FBXO16: variants seen among roughly 807,000 people sequenced by gnomAD.
FBXO16 encodes F-box protein 16, also known as F-box only protein 16.
FBXO16 carries 31 observed loss-of-function variants against 41.0 expected under a neutral mutation model. That is an observed-to-expected ratio of 0.76 (90% CI 0.57 to 1.02). The LOEUF is 1.02. Ranked by LOEUF, FBXO16 falls within the 50% of genes least tolerant of loss-of-function variation. The pLI is 0.00. For synonymous variants in FBXO16, 133 were observed against 117.8 expected (o/e 1.13, Z -0.84); for missense variants, 361 against 346.2 (o/e 1.04, Z -0.34).
At position 28,452,439 on chromosome 8, in the gene FBXO16, T is replaced by C; in HGVS notation, c.545A>G (p.Gln182Arg). Residue 182 changes from glutamine to arginine, a missense_variant, in exon 6 of 9, where the codon CAA becomes CGA. Coordinates refer to ENST00000380254, the MANE Select transcript of FBXO16 (RefSeq NM_172366.4). ...CTCTGGAGAATTGCTTGTAACTAGT[T>C]GAACGTCAGCGATTACAAATCCATC... is the stretch of plus-strand genomic sequence containing the variant. ...PKDGFVIADV[Q>R]LVTSNSPEEK... The C allele has an allele frequency of 6.2e-7, 1 of 1,614,134 alleles. No homozygotes were observed. The highest frequency in any genetic ancestry group is 8.5e-7 in the Non-Finnish European group (1 of 1,180,046).
At chr8:28,476,363 G>A (rs1803423012) in intron 2 of FBXO16, among the ~76,000 whole-genome samples, 1 of 152,164 alleles carries the variant, frequency 6.6e-6, no homozygotes, top group Admixed American at 6.5e-5. Flanking sequence ...TAGACTGAAA[G>A]TCAGGAGACC....
chr8:28,459,391 G>C (rs952911551), intron 4 of FBXO16, among the ~76,000 whole-genome samples: 2 of 152,084 alleles, frequency 1.3e-5, no homozygotes, highest in African/African-American at 4.8e-5. Flanking sequence ...GCCAAGGCGA[G>C]TGGATCACCC....
Position 28,463,799 on chromosome 8 carries a change from G to C in FBXO16, c.155C>G (p.Ser52Cys), listed in dbSNP as rs1304606766. Residue 52 changes from serine to cysteine, a missense_variant, in exon 4 of 9, where the codon TCT becomes TGT. Physicochemically the swap from Ser to Cys is moderately radical, Grantham distance 112 (BLOSUM62 -1). Coordinates refer to ENST00000380254, the MANE Select transcript of FBXO16 (RefSeq NM_172366.4). ...GCCTGTGAGGATTCTTCTTCTTTGA[G>C]AGTCTGTCCATTTGTCAAACTGGAA... ...LGKWFDKWTDSQRRRILTGLL... is the reference protein window; with the variant it reads ...LGKWFDKWTDCQRRRILTGLL... 6.2e-7 allele frequency: 1 copy of C among 1,613,794 alleles called. No individual in the cohort carries two copies. The highest frequency in any genetic ancestry group is 8.5e-7 in the Non-Finnish European group (1 of 1,179,898).
intron 7 of FBXO16, among the ~76,000 whole-genome samples, chr8:28,439,824 C>G (rs1486996546): frequency 6.7e-6 from 1 of 150,126 alleles, no homozygotes; most frequent in Non-Finnish European, 1.5e-5. Flanking sequence ...AGAAGTATAT[C>G]AAAGATTGCC....
chr8:28,428,614 C>G lies in FBXO16; in HGVS notation c.*113G>C, dbSNP rs750816028. On this transcript the variant is annotated 3_prime_UTR_variant, in exon 9 of 9. Coordinates refer to ENST00000380254, the MANE Select transcript of FBXO16 (RefSeq NM_172366.4). ...TGAGTCATGCTTGGGGCCCAGGGTG[C>G]CTGTGAGGATGCTGCATGAGAATTT... is the stretch of plus-strand genomic sequence containing the variant. 1 of 1,551,750 alleles carries G rather than the reference C, an allele frequency of 6.4e-7. No homozygotes were observed.
At chr8:28,455,726 T>C (rs1048073777) in intron 5 of FBXO16, 6 of 152,244 alleles carry the variant, frequency 3.9e-5, no homozygotes, top group Non-Finnish European at 7.3e-5. Flanking sequence ...ACTTTAAAAA[T>C]TCTTCACTTA....
chr8:28,466,082 A>G (rs1803234215), intron 3 of FBXO16, among the ~76,000 whole-genome samples: 1 of 152,042 alleles, frequency 6.6e-6, no homozygotes, highest in African/African-American at 2.4e-5. Context: ...TCTACTGAAA[A>G]CACAAAATTA....
chr8:28,474,701 C>T (rs534180157), intron 2 of FBXO16, among the ~76,000 whole-genome samples: 11 of 152,150 alleles, frequency 7.2e-5, no homozygotes, highest in Non-Finnish European at 1.6e-4. Context: ...CACTTGAATA[C>T]TTGTTGGTAT....
intron 1 of FBXO16, among the ~76,000 whole-genome samples, chr8:28,487,133 C>T (rs1185425841): frequency 1.3e-5 from 2 of 152,068 alleles, no homozygotes; most frequent in African/African-American, 4.8e-5. Flanking sequence ...TTCCTCAGAA[C>T]TACATGTCAC....
intron 7 of FBXO16, 89 bp from the exon 8 acceptor site, chr8:28,429,492 C>G: frequency 1.3e-6 from 2 of 1,494,202 alleles, no homozygotes; most frequent in Non-Finnish European, 1.9e-6. Context: ...GAGTGAGGCA[C>G]TCTTCAAAGT....
intron 7 of FBXO16, among the ~76,000 whole-genome samples, chr8:28,441,753 T>TA (rs779939666): frequency 8.6e-5 from 12 of 139,498 alleles, no homozygotes; most frequent in Non-Finnish European, 1.9e-4. Context: ...AAAAAAAAAC[T>TA]AAAAAAAAAA....
chr8:28,453,210 A>AT (rs1802984376), intron 5 of FBXO16, among the ~76,000 whole-genome samples: 1 of 149,406 alleles, frequency 6.7e-6, no homozygotes, highest in African/African-American at 2.6e-5. Context: ...AAAAGTAGTA[A>AT]GTTGGAGGGC....
At chr8:28,489,821 TG>T (rs1183895125) in intron 1 of FBXO16, among the ~76,000 whole-genome samples, 2 of 152,162 alleles carry the variant, frequency 1.3e-5, no homozygotes, top group Non-Finnish European at 2.9e-5. Flanking sequence ...ATAATAGGAC[TG>T]GGTCTCTCTG....
Position 28,428,491 on chromosome 8 carries a change from G to A in FBXO16, c.*236C>T. 1 of 1,420,778 alleles carries A rather than the reference G, an allele frequency of 7.0e-7. No individual in the cohort carries two copies. Among genetic ancestry groups the A allele is most frequent in the Non-Finnish European group, 9.3e-7 (1 of 1,071,210 alleles). The allele number at this position is 1,420,778 out of a possible 1,614,324, so 88.0% of individuals were successfully genotyped here. On this transcript the variant is annotated 3_prime_UTR_variant, in exon 9 of 9. Coordinates refer to ENST00000380254, the MANE Select transcript of FBXO16 (RefSeq NM_172366.4). ...CTTAAGCTGAAAGAGTTTCTAATGG[G>A]AGCCAAGTAAATTCAGCTCTCCACT...
At chr8:28,432,168 T>TGTGA (rs1802616580) in intron 7 of FBXO16, among the ~76,000 whole-genome samples, 1 of 144,120 alleles carries the variant, frequency 6.9e-6, no homozygotes, top group African/African-American at 2.6e-5. Flanking sequence ...TGTGTGTGTG[T>TGTGA]GACTGTTACA....
chr8:28,436,877 C>A lies in FBXO16; in HGVS notation c.844-7474G>T, dbSNP rs543368141. On this transcript the variant is annotated intron_variant, in intron 7 of 8. Transcript: ENST00000380254. ...AGCAATCCTCCCACCTGAGCCTCCC[C>A]AGTAGCTGGGACCACAGGTGTGCAC... Among the ~76,000 whole-genome samples, 22 of 152,292 alleles carry A rather than the reference C, an allele frequency of 1.4e-4. No individual in the cohort carries two copies. In the East Asian group the frequency reaches 2.7e-3, roughly 19 times the overall value.
chr8:28,452,127 T>C lies in FBXO16; in HGVS notation c.740+117A>G, dbSNP rs938442597. The C allele has an allele frequency of 1.3e-5, 13 of 971,376 alleles. No individual in the cohort carries two copies. The African/African-American group carries it at 2.0e-4, about 15-fold the overall frequency. 60.2% of individuals were successfully genotyped at this position (971,376 alleles called of 1,614,324 possible). The stretch of plus-strand genomic sequence containing the variant: ...CCTGCTCTATTACTTTTTGCTTCTA[T>C]GTACTGAAAAGCTTTTGTATTTCAC... On this transcript the variant is annotated intron_variant, in intron 6 of 8. Transcript: ENST00000380254.
chr8:28,432,211 C>T (rs1207242930), intron 7 of FBXO16, among the ~76,000 whole-genome samples: 1 of 151,640 alleles, frequency 6.6e-6, no homozygotes, highest in Non-Finnish European at 1.5e-5. Context: ...CAGTGGCTCA[C>T]GCCTGTAATC....
intron 1 of FBXO16, among the ~76,000 whole-genome samples, chr8:28,485,406 C>T (rs1389983296): frequency 6.6e-6 from 1 of 151,982 alleles, no homozygotes; most frequent in Non-Finnish European, 1.5e-5. Context: ...CTCCTGATCT[C>T]AGGTGATCTG....
Sources: gnomAD v4.1 joint callset for allele counts (sites outside exome capture counted in the v4.1 genomes callset) on GRCh38, gnomAD v4.1.1 for gene constraint, MANE v1.5 for transcripts, NCBI Gene and HGNC (gene_info 2026-07-23, HGNC 2026-07-21) for gene names.